The following GATAD2A variants were observed in gnomAD, a reference collection of about 807,000 sequenced individuals.
GATAD2A encodes transcriptional repressor p66-alpha.
Under a neutral mutation model 68.5 loss-of-function variants are expected in GATAD2A, and 12 were observed. That is an observed-to-expected ratio of 0.18 (90% CI 0.11 to 0.28). The LOEUF is 0.28. Ranked by LOEUF, GATAD2A falls within the 10% of genes least tolerant of loss-of-function variation. GATAD2A has a pLI of 1.00. For missense variants in GATAD2A, 755 were observed against 868.5 expected (o/e 0.87, Z 1.64); for synonymous variants, 410 against 375.3 (o/e 1.09, Z -1.07).
chr19:19,386,255 T>C, intron 1 of GATAD2A: 1 of 150,972 alleles, frequency 6.6e-6, no homozygotes, highest in Non-Finnish European at 1.5e-5. Context: ...CCACAGCACT[T>C]CCCCCTCAGG....
intron 1 of GATAD2A, among the ~76,000 whole-genome samples, chr19:19,398,996 T>A (rs1251606537): frequency 6.6e-6 from 1 of 151,654 alleles, no homozygotes; most frequent in Non-Finnish European, 1.5e-5. Flanking sequence ...GCAGCAGGGG[T>A]TGCGGTGAGC....
chr19:19,484,518 C>CTTTTTTT (rs58628123), intron 2 of GATAD2A, among the ~76,000 whole-genome samples: 21 of 114,456 alleles, frequency 1.8e-4, no homozygotes, highest in East Asian at 2.5e-4. Context: ...TTTTCTTTTT[C>CTTTTTTT]TTTTTTTTTT....
intron 1 of GATAD2A, among the ~76,000 whole-genome samples, chr19:19,416,624 G>A (rs1423382994): frequency 6.6e-6 from 1 of 152,134 alleles, no homozygotes; most frequent in Non-Finnish European, 1.5e-5. Context: ...TAAGATGAAG[G>A]GAGCTGCTCT....
Position 19,506,094 on chromosome 19 carries a change from A to C in GATAD2A, c.*620A>C. 5.0e-6 allele frequency: 2 copies of C among 397,326 alleles called. No homozygotes were observed. Among genetic ancestry groups the C allele is most frequent in the Admixed American group, 8.8e-5 (2 of 22,646 alleles). 24.6% of individuals were successfully genotyped at this position (397,326 alleles called of 1,614,324 possible). The stretch of plus-strand genomic sequence containing the variant: ...CTGTGCCCTGGAGGGTGGGCGGCTC[A>C]TGGTGCCACAGCCCCTGGCAGGGAC... On this transcript the variant is annotated 3_prime_UTR_variant, in exon 12 of 12. Coordinates refer to ENST00000683918, the MANE Select transcript of GATAD2A (RefSeq NM_001384528.1).
chr19:19,477,973 A>G (rs980526117), intron 2 of GATAD2A, among the ~76,000 whole-genome samples: 1 of 152,232 alleles, frequency 6.6e-6, no homozygotes, highest in Non-Finnish European at 1.5e-5. Flanking sequence ...TTGCCACATA[A>G]GGCTGTAAGA....
At chr19:19,480,807 T>G (rs1032670187) in intron 2 of GATAD2A, among the ~76,000 whole-genome samples, 1 of 152,164 alleles carries the variant, frequency 6.6e-6, no homozygotes, top group African/African-American at 2.4e-5. Context: ...CAGGTCTGAT[T>G]GGGTTGTGGG....
chr19:19,502,066 G>A (rs776820743), intron 10 of GATAD2A, 23 bp downstream of exon 10: 9 of 1,582,742 alleles, frequency 5.7e-6, no homozygotes, highest in Non-Finnish European at 7.8e-6. Flanking sequence ...CTGGGCGCCG[G>A]GAGCCTCGCG....
At position 19,387,789 on chromosome 19, in the gene GATAD2A, G is replaced by A. The variant is rs188843996; in HGVS notation, c.-7+1651G>A. On this transcript the variant is annotated intron_variant, in intron 1 of 11. Coordinates refer to the GATAD2A transcript ENST00000360315. ...TCTATGGATCCTGCAGTTTTCTGAG[G>A]GGTCCCCAGTTTCTCCAGAGGTTTT... is the stretch of plus-strand genomic sequence containing the variant. 4.0e-3 allele frequency among the ~76,000 whole-genome samples: 608 copies of A among 152,168 alleles called. 1 individual carries two copies. The highest frequency in any genetic ancestry group is 6.2e-3 in the Non-Finnish European group (424 of 67,998).
chr19:19,507,772 G>A lies in GATAD2A; in HGVS notation c.*2298G>A, dbSNP rs1334604561. 2 of 151,996 alleles carry A rather than the reference G, an allele frequency of 1.3e-5. No homozygotes were observed. Among genetic ancestry groups the A allele is most frequent in the Non-Finnish European group, 2.9e-5 (2 of 68,006 alleles). The allele number at this position is 151,996 out of a possible 1,614,324, so 9.4% of individuals were successfully genotyped here. Reference sequence around the variant, plus strand: ...TGTAAACTTTTTTTTTTTCCCCCCAGGGGGCAAAAGTGTGAGATGCCTTAA... The same window carrying A: ...TGTAAACTTTTTTTTTTTCCCCCCAAGGGGCAAAAGTGTGAGATGCCTTAA... On this transcript the variant is annotated 3_prime_UTR_variant, in exon 12 of 12. Coordinates refer to ENST00000683918, the MANE Select transcript of GATAD2A (RefSeq NM_001384528.1).
At chr19:19,407,140 C>G (rs2050372159) in intron 1 of GATAD2A, among the ~76,000 whole-genome samples, 1 of 152,242 alleles carries the variant, frequency 6.6e-6, no homozygotes, top group Admixed American at 6.5e-5. Context: ...TGTGGCAGCA[C>G]AGAAACTGAG....
At position 19,501,242 on chromosome 19, in the gene GATAD2A, G is replaced by T; in HGVS notation, c.1329G>T (p.Met443Ile). Residue 443 changes from methionine to isoleucine, a missense_variant, in exon 9 of 12, where the codon ATG becomes ATT. Coordinates refer to ENST00000683918, the MANE Select transcript of GATAD2A (RefSeq NM_001384528.1). Reference sequence around the variant, plus strand: ...GCGCCATCATGTGTGAGAACTGCATGACAACCAACCAGAAGAAGGCGCTCA... The same window carrying T: ...GCGCCATCATGTGTGAGAACTGCATTACAACCAACCAGAAGAAGGCGCTCA... Reference protein sequence around the residue: ...KSGAIMCENCMTTNQKKALKV... With the variant: ...KSGAIMCENCITTNQKKALKV... 6.2e-7 allele frequency: 1 copy of T among 1,613,538 alleles called. No individual in the cohort carries two copies. Among genetic ancestry groups the T allele is most frequent in the South Asian group, 1.1e-5 (1 of 91,082 alleles).
intron 2 of GATAD2A, among the ~76,000 whole-genome samples, chr19:19,471,658 G>A (rs2148112850): frequency 6.6e-6 from 1 of 152,314 alleles, no homozygotes; most frequent in African/African-American, 2.4e-5. Context: ...GAATTTTGCG[G>A]TATGTAAAGT....
chr19:19,408,831 C>T (rs543130907), intron 1 of GATAD2A, among the ~76,000 whole-genome samples: 3 of 152,112 alleles, frequency 2.0e-5, no homozygotes, highest in Admixed American at 2.0e-4. Flanking sequence ...CTGGTGAGCC[C>T]GAAAGGACCT....
At chr19:19,474,817 T>C (rs568344686) in intron 2 of GATAD2A, among the ~76,000 whole-genome samples, 1 of 152,254 alleles carries the variant, frequency 6.6e-6, no homozygotes, top group Non-Finnish European at 1.5e-5. Flanking sequence ...GGTGTGGCAG[T>C]CCAGCATACC....
intron 2 of GATAD2A, among the ~76,000 whole-genome samples, chr19:19,481,200 C>T (rs998854798): frequency 6.6e-6 from 1 of 152,072 alleles, no homozygotes; most frequent in African/African-American, 2.4e-5. Context: ...AGGGTTTCTC[C>T]TCCTCTTTGT....
chr19:19,406,766 G>A (rs2050324229), intron 1 of GATAD2A, among the ~76,000 whole-genome samples: 1 of 152,200 alleles, frequency 6.6e-6, no homozygotes, highest in Non-Finnish European at 1.5e-5. Flanking sequence ...CTTCAACAAG[G>A]AAAGGCTTAT....
At chr19:19,391,785 G>A (rs530993764) in intron 1 of GATAD2A, among the ~76,000 whole-genome samples, 6 of 152,304 alleles carry the variant, frequency 3.9e-5, no homozygotes, top group Non-Finnish European at 7.3e-5. Context: ...ACACTGCCCA[G>A]CTTCTAACTC....
intron 1 of GATAD2A, among the ~76,000 whole-genome samples, chr19:19,447,130 A>G (rs1254397017): frequency 6.6e-6 from 1 of 152,156 alleles, no homozygotes; most frequent in African/African-American, 2.4e-5. Context: ...TAGCATGTCA[A>G]GTGGTGATGA....
At chr19:19,437,693 C>T (rs2054527706) in intron 1 of GATAD2A, among the ~76,000 whole-genome samples, 2 of 152,096 alleles carry the variant, frequency 1.3e-5, no homozygotes. Flanking sequence ...GTGTAAGTGG[C>T]CTTTTGCGTC....
Sources: gnomAD v4.1 joint callset for allele counts (sites outside exome capture counted in the v4.1 genomes callset) on GRCh38, gnomAD v4.1.1 for gene constraint, MANE v1.5 for transcripts, NCBI Gene and HGNC (gene_info 2026-07-23, HGNC 2026-07-21) for gene names.